Variants in RTL9 observed in about 807,000 individuals in gnomAD.
The protein encoded by RTL9 is retrotransposon Gag like 9, also known as retrotransposon Gag-like protein 9.
Under a neutral mutation model 44.7 loss-of-function variants are expected in RTL9, and 19 were observed. The observed-to-expected ratio is 0.42, with a 90% CI of 0.30 to 0.62. RTL9 has a LOEUF of 0.62. Ranked by LOEUF, RTL9 falls within the 20% of genes least tolerant of loss-of-function variation. RTL9 has a pLI of 0.16. For missense variants in RTL9, 1,105 were observed against 1,080.6 expected (o/e 1.02, Z -0.32); for synonymous variants, 407 against 398.9 (o/e 1.02, Z -0.24).
At chrX:110,429,325 G>A (rs2148329602) in intron 1 of RTL9, among the ~76,000 whole-genome samples, 1 of 110,447 alleles carries the variant, frequency 9.1e-6, no homozygotes, top group East Asian at 2.8e-4. Context: ...TACAACTCCA[G>A]TCACTGAGTT....
upstream of RTL9, among the ~76,000 whole-genome samples, chrX:110,418,846 T>G (rs1472538973): frequency 1.8e-5 from 2 of 111,674 alleles, no homozygotes; most frequent in African/African-American, 6.5e-5. Context: ...AAGCAGTGAG[T>G]TCTTTCAGCT....
chrX:110,365,809 G>A (rs967918364), intron 1 of RTL9, among the ~76,000 whole-genome samples: 2 of 111,889 alleles, frequency 1.8e-5, no homozygotes, highest in Non-Finnish European at 3.8e-5. Context: ...AAGAGTGAGC[G>A]AGGTGATCTA....
intron 1 of RTL9, among the ~76,000 whole-genome samples, chrX:110,379,926 C>A (rs941853303): frequency 2.7e-5 from 3 of 111,640 alleles, no homozygotes; most frequent in Admixed American, 9.5e-5. Context: ...TTTCTTGCTA[C>A]AACTTTTGGA....
chrX:110,404,826 G>A (rs914029935), intron 1 of RTL9, among the ~76,000 whole-genome samples: 4 of 111,391 alleles, frequency 3.6e-5, no homozygotes, highest in African/African-American at 1.3e-4. Flanking sequence ...TGTAACTCAC[G>A]ATTTTTCTTG....
intron 1 of RTL9, among the ~76,000 whole-genome samples, chrX:110,407,470 A>G (rs2068610935): frequency 8.9e-6 from 1 of 112,529 alleles, no homozygotes; most frequent in Non-Finnish European, 1.9e-5. Context: ...AGAATAATAC[A>G]AATAACAACC....
intron 1 of RTL9, among the ~76,000 whole-genome samples, chrX:110,412,295 T>A (rs2068646615): frequency 8.9e-6 from 1 of 112,536 alleles, no homozygotes; most frequent in Non-Finnish European, 1.9e-5. Flanking sequence ...TGCAAAATGC[T>A]CCATGTATAA....
chrX:110,384,783 A>G (rs1048995932), intron 1 of RTL9, among the ~76,000 whole-genome samples: 5 of 111,125 alleles, frequency 4.5e-5, no homozygotes, highest in African/African-American at 1.6e-4. Context: ...CTCATTGGAC[A>G]TAGTATCTTT....
chrX:110,418,249 T>C, upstream of RTL9, among the ~76,000 whole-genome samples: 1 of 111,853 alleles, frequency 8.9e-6, no homozygotes, highest in East Asian at 2.8e-4. Flanking sequence ...CAAGTTGAGG[T>C]TCTTATTTTT....
intron 1 of RTL9, among the ~76,000 whole-genome samples, chrX:110,377,356 G>A (rs946363975): frequency 1.8e-5 from 2 of 111,475 alleles, no homozygotes; most frequent in Non-Finnish European, 3.8e-5. Flanking sequence ...CCAGAATAGC[G>A]AAACACCGAT....
At chrX:110,364,262 C>T (rs147245883) in intron 1 of RTL9, among the ~76,000 whole-genome samples, 1,591 of 111,739 alleles carry the variant, frequency 0.014, 32 homozygotes, top group African/African-American at 0.05. Flanking sequence ...TTACAGCCCA[C>T]CCTAATCCAG....
At chrX:110,416,697 A>AT (rs1235083956), upstream of RTL9, among the ~76,000 whole-genome samples, 1 of 111,944 alleles carries the variant, frequency 8.9e-6, no homozygotes, top group East Asian at 2.8e-4. Context: ...TTTTTAAAGT[A>AT]TTTTCCACCA....
intron 1 of RTL9, among the ~76,000 whole-genome samples, chrX:110,439,647 A>G (rs2068865233): frequency 8.9e-6 from 1 of 111,926 alleles, no homozygotes; most frequent in South Asian, 3.7e-4. Flanking sequence ...GGACAGGTGG[A>G]GTTTCTGGTA....
chrX:110,400,896 T>A (rs886181651), intron 1 of RTL9, among the ~76,000 whole-genome samples: 1 of 111,911 alleles, frequency 8.9e-6, no homozygotes, highest in Non-Finnish European at 1.9e-5. Flanking sequence ...TGCTCCCAGT[T>A]CTTCGTCATC....
At chrX:110,408,913 T>A (rs1353083138) in intron 1 of RTL9, among the ~76,000 whole-genome samples, 1 of 111,820 alleles carries the variant, frequency 8.9e-6, no homozygotes, top group South Asian at 3.8e-4. Context: ...TGTAGGTAGG[T>A]TATAGTACCT....
chrX:110,373,237 C>T (rs1232725692), intron 1 of RTL9, among the ~76,000 whole-genome samples: 1 of 111,849 alleles, frequency 8.9e-6, no homozygotes, highest in Admixed American at 9.5e-5. Context: ...TATTGCTTCT[C>T]TACAAACAGG....
exon 1 of RTL9, chrX:110,450,624 A>G (rs747984784): frequency 3.3e-6 from 4 of 1,207,133 alleles, no homozygotes; most frequent in African/African-American, 1.8e-5. Context: ...AGATATGTCA[A>G]TACCCTTACA....
rs188531621 is a variant in RTL9 at position 110,433,182 on chromosome X, A to T, written c.-167-11971A>T. 3.6e-5 allele frequency among the ~76,000 whole-genome samples: 4 copies of T among 112,587 alleles called. No individual in the cohort carries two copies. The East Asian group carries it at 8.4e-4, about 24-fold the overall frequency. Reference sequence around the variant, plus strand: ...GCTGAAAACCAGGACCCTCAAGCCGAGCCTGACGTCACATAGTTGATTGAG... The same window carrying T: ...GCTGAAAACCAGGACCCTCAAGCCGTGCCTGACGTCACATAGTTGATTGAG... On this transcript the variant is annotated intron_variant, in intron 1 of 3. Coordinates refer to the RTL9 transcript ENST00000465301.
exon 1 of RTL9, chrX:110,453,051 T>C: frequency 5.0e-6 from 6 of 1,208,287 alleles, no homozygotes; most frequent in Middle Eastern, 2.3e-4. Context: ...GCCTCTGAGA[T>C]CCCCAGCTTA....
At chrX:110,378,069 C>A (rs1473274394) in intron 1 of RTL9, among the ~76,000 whole-genome samples, 1 of 108,442 alleles carries the variant, frequency 9.2e-6, no homozygotes, top group Non-Finnish European at 1.9e-5. Flanking sequence ...CATCTTTTGT[C>A]CTTTTCTTCA....
Sources: gnomAD v4.1 joint callset for allele counts (sites outside exome capture counted in the v4.1 genomes callset) on GRCh38, gnomAD v4.1.1 for gene constraint, MANE v1.5 for transcripts, NCBI Gene and HGNC (gene_info 2026-07-23, HGNC 2026-07-21) for gene names.